HMGCS2: variants seen among roughly 807,000 people sequenced by gnomAD.
HMGCS2 encodes hydroxymethylglutaryl-CoA synthase, mitochondrial.
HMGCS2 carries 50 observed loss-of-function variants against 57.4 expected under a neutral mutation model. The observed-to-expected ratio is 0.87, with a 90% CI of 0.69 to 1.10. HMGCS2 has a LOEUF of 1.10. Ranked by LOEUF, HMGCS2 falls within the 50% of genes least tolerant of loss-of-function variation. The pLI is 0.00. For synonymous variants in HMGCS2, 254 were observed against 245.1 expected, an observed-to-expected ratio of 1.04 and a Z score of -0.34; for missense variants, 627 against 636.5, an observed-to-expected ratio of 0.99 and a Z score of 0.16.
At position 119,750,890 on chromosome 1, in the gene HMGCS2, C is replaced by T. The variant is rs1652635062; in HGVS notation, c.1439G>A (p.Gly480Asp). ...ACCTGGGAAAAGGCTGTTTGTGTCA[C>T]CAGGTGGGGAGAAATTCACTGTGGA... is the stretch of plus-strand genomic sequence containing the variant. Reference protein sequence around the residue: ...FYHKVNFSPPGDTNSLFPGTW... With the variant: ...FYHKVNFSPPDDTNSLFPGTW... Residue 480 changes from glycine to aspartate, a missense_variant, in exon 9 of 10, where the codon GGT becomes GAT. Transcript: ENST00000369406. The T allele has an allele frequency of 6.2e-7, 1 of 1,611,594 alleles. No homozygotes were observed. Among genetic ancestry groups the T allele is most frequent in the Admixed American group, 1.7e-5 (1 of 59,996 alleles).
At position 119,768,738 on chromosome 1, in the gene HMGCS2, C is replaced by T. The variant is rs1653321281; in HGVS notation, c.104+3G>A. The T allele has an allele frequency of 1.9e-6, 3 of 1,606,568 alleles. No homozygotes were observed. The highest frequency in any genetic ancestry group is 2.6e-6 in the Non-Finnish European group (3 of 1,173,116). Reference sequence around the variant, plus strand: ...ACAAGGTGCTTCTCAGAAAGTGACTCACCTTTGGTGGGCTACTGGGAGCAG... The same window carrying T: ...ACAAGGTGCTTCTCAGAAAGTGACTTACCTTTGGTGGGCTACTGGGAGCAG... On this transcript the variant is annotated splice_donor_region_variant and intron_variant, in intron 1 of 9. Coordinates refer to ENST00000369406, the MANE Select transcript of HMGCS2 (RefSeq NM_005518.4).
At chr1:119,759,089 C>T in intron 4 of HMGCS2, 29 bp downstream of exon 4, 3 of 1,612,768 alleles carry the variant, frequency 1.9e-6, no homozygotes, top group Non-Finnish European at 2.5e-6. Context: ...TAAATAGAGC[C>T]CCCACTTTCT....
intron 4 of HMGCS2, 124 bp from the exon 5 acceptor site, chr1:119,757,562 A>G (rs1463525220): frequency 1.3e-6 from 2 of 1,481,692 alleles, no homozygotes; most frequent in African/African-American, 2.8e-5. Context: ...CACCTCCTGC[A>G]AACACATATG....
At chr1:119,750,736 G>T in intron 9 of HMGCS2, 61 bp downstream of exon 9, 1 of 1,061,460 alleles carries the variant, frequency 9.4e-7, no homozygotes, top group South Asian at 1.3e-5. Flanking sequence ...CTCTCTCTGT[G>T]TTGTTACTCA....
Position 119,759,283 on chromosome 1 carries a change from C to T in HMGCS2, c.686-1G>A, listed in dbSNP as rs1652956744. 1 of 1,613,644 alleles carries T rather than the reference C, an allele frequency of 6.2e-7. No individual in the cohort carries two copies. The highest frequency in any genetic ancestry group is 1.7e-5 in the Admixed American group (1 of 60,002). Reference sequence around the variant, plus strand: ...TTCTCCATATGGGTTCCCCTCAGCCCTGGAAAGGCACACAAAGTGTTTCAG... The same window carrying T: ...TTCTCCATATGGGTTCCCCTCAGCCTTGGAAAGGCACACAAAGTGTTTCAG... On this transcript the variant is annotated splice_acceptor_variant, in intron 3 of 9. Transcript: ENST00000369406. LOFTEE classifies it high-confidence loss of function.
chr1:119,768,667 T>C, intron 1 of HMGCS2, 74 bp downstream of exon 1: 1 of 1,142,522 alleles, frequency 8.8e-7, no homozygotes, highest in Non-Finnish European at 1.3e-6. Flanking sequence ...AGTGGGATTC[T>C]AGTGAGTTTT....
rs1251993883 is a variant in HMGCS2, at chr1:119,764,347, T to C, written c.384A>G (p.Glu128=). 6 of 1,614,264 alleles carry C rather than the reference T, an allele frequency of 3.7e-6. No homozygotes were observed. The highest frequency in any genetic ancestry group is 1.7e-5 in the Admixed American group (1 of 60,036). ...TGTCAATGATGGTCTCAGTGCCTAC[T>C]TCCAGCCTGCCCACAGAGTCCCATG... ...QLPWDSVGRL[E]VGTETIIDKS... is the part of the protein sequence containing the mutation. Residue 128 remains glutamate, a synonymous_variant, in exon 2 of 10, where the codon GAA becomes GAG. Transcript: ENST00000369406.
intron 1 of HMGCS2, among the ~76,000 whole-genome samples, chr1:119,766,261 A>G (rs1653224653): frequency 1.3e-5 from 2 of 152,340 alleles, no homozygotes; most frequent in Non-Finnish European, 2.9e-5. Context: ...ACCAAGGCAC[A>G]CACTGGTAAA....
At chr1:119,749,076 G>A (rs1311658449) in intron 9 of HMGCS2, among the ~76,000 whole-genome samples, 1 of 152,200 alleles carries the variant, frequency 6.6e-6, no homozygotes, top group Non-Finnish European at 1.5e-5. Flanking sequence ...CCTGTGATAG[G>A]AGAGCAGGAG....
intron 9 of HMGCS2, among the ~76,000 whole-genome samples, chr1:119,750,250 G>A (rs947211147): frequency 3.3e-5 from 5 of 152,176 alleles, no homozygotes; most frequent in African/African-American, 1.2e-4. Context: ...CCATTTCTGA[G>A]GTTTTGGGGC....
At chr1:119,768,642 C>T in intron 1 of HMGCS2, 99 bp downstream of exon 1, 1 of 892,288 alleles carries the variant, frequency 1.1e-6, no homozygotes, top group East Asian at 2.5e-5. Context: ...TGTGCACAAG[C>T]CTTGCCAAAT....
At chr1:119,750,757 T>C (rs587765623) in intron 9 of HMGCS2, 40 bp downstream of exon 9, 53 of 1,270,212 alleles carry the variant, frequency 4.2e-5, no homozygotes, top group Non-Finnish European at 6.0e-5. Context: ...GAGGAAGACA[T>C]TAGGGTTTTA....
In HMGCS2 at chr1:119,752,649, G is replaced by A. The variant is rs1226057083; in HGVS notation, c.1320C>T (p.Ser440=). 8.7e-6 allele frequency: 14 copies of A among 1,614,042 alleles called. No individual in the cohort carries two copies. The highest frequency in any genetic ancestry group is 1.1e-5 in the Non-Finnish European group (13 of 1,179,988). The stretch of plus-strand genomic sequence containing the variant: ...GGCGTTTTGGCAGGTCTGATGTGCT[G>A]GACACCAACTTGTCCAGGGGAGAGC... ...APGSPLDKLV[S]STSDLPKRLA... Residue 440 remains serine, a synonymous_variant, in exon 8 of 10, where the codon TCC becomes TCT. Coordinates refer to ENST00000369406, the MANE Select transcript of HMGCS2 (RefSeq NM_005518.4).
chr1:119,753,475 A>G, intron 6 of HMGCS2, 89 bp from the exon 7 acceptor site: 1 of 754,864 alleles, frequency 1.3e-6, no homozygotes, highest in Non-Finnish European at 2.3e-6. Context: ...TATATTCTGC[A>G]CTTCAAATAG....
chr1:119,759,318 A>G, intron 3 of HMGCS2, 36 bp from the exon 4 acceptor site: 1 of 1,599,874 alleles, frequency 6.3e-7, no homozygotes, highest in East Asian at 2.2e-5. Flanking sequence ...GAGACTACAC[A>G]ATGCAGCCTA....
At chr1:119,765,239 G>A (rs1195757204) in intron 1 of HMGCS2, among the ~76,000 whole-genome samples, 1 of 152,122 alleles carries the variant, frequency 6.6e-6, no homozygotes. Flanking sequence ...CTCCTGAGTA[G>A]CTGGGACTAC....
chr1:119,763,697 T>C (rs910222070), intron 2 of HMGCS2, among the ~76,000 whole-genome samples: 2 of 152,196 alleles, frequency 1.3e-5, no homozygotes, highest in African/African-American at 2.4e-5. Flanking sequence ...AGAGTAGAAA[T>C]ACTCACAGTC....
intron 5 of HMGCS2, 138 bp downstream of exon 5, chr1:119,757,135 C>T (rs1169502785): frequency 7.1e-7 from 1 of 1,406,444 alleles, no homozygotes; most frequent in East Asian, 2.3e-5. Flanking sequence ...GTGGAAGGAC[C>T]TGGGATTGTT....
Position 119,757,410 on chromosome 1 carries a change from G to A in HMGCS2, c.879C>T (p.Asp293=), listed in dbSNP as rs761787433. The change falls in exon 5 of 10, where the codon GAC becomes GAT. Residue 293 remains aspartate (D), a synonymous_variant. Coordinates refer to ENST00000369406, the MANE Select transcript of HMGCS2 (RefSeq NM_005518.4). ...TATGAAAGATCATGTACTGTAAATC[G>A]TCAAGGGTGAAGGGTCGATCGCTGC... is the stretch of plus-strand genomic sequence containing the variant. ...QAGSDRPFTL[D]DLQYMIFHTP... The A allele has an allele frequency of 1.2e-5, 20 of 1,613,934 alleles. No individual in the cohort carries two copies. The highest frequency in any genetic ancestry group is 6.6e-5 in the South Asian group (6 of 91,078).
Sources: allele counts gnomAD v4.1 joint callset (sites outside exome capture counted in the v4.1 genomes callset), GRCh38; gene constraint gnomAD v4.1.1; transcripts MANE v1.5; gene names NCBI Gene and HGNC (gene_info 2026-07-23, HGNC 2026-07-21).